Variants in SPTBN4 observed in about 807,000 individuals in gnomAD.
SPTBN4 encodes the protein spectrin beta chain, non-erythrocytic 4.
A neutral mutation model predicts 277.8 loss-of-function variants in SPTBN4; 96 were observed. The observed-to-expected ratio is 0.35, with a 90% CI of 0.29 to 0.41. SPTBN4 has a LOEUF of 0.41. Ranked by LOEUF, SPTBN4 falls within the 10% of genes least tolerant of loss-of-function variation. The pLI is 1.00. For synonymous variants in SPTBN4, 1,481 were observed against 1,580.3 expected (o/e 0.94, Z 1.49); for missense variants, 3,006 against 3,595.7 (o/e 0.84, Z 4.19).
intron 20 of SPTBN4, among the ~76,000 whole-genome samples, chr19:40,545,304 CA>C (rs1485996559): frequency 6.6e-6 from 1 of 151,914 alleles, no homozygotes; most frequent in Non-Finnish European, 1.5e-5. Context: ...CCATGTTGGC[CA>C]GGCTGGTCTC....
At chr19:40,567,599 G>GCCC in intron 30 of SPTBN4, 64 bp from the exon 31 acceptor site, 1 of 1,342,344 alleles carries the variant, frequency 7.4e-7, no homozygotes, top group Non-Finnish European at 9.8e-7. Flanking sequence ...CGCCTCCCCG[G>GCCC]ACCTCCCCCT....
In SPTBN4 at chr19:40,572,475, A is replaced by G. The variant is rs945691703; in HGVS notation, c.7536+95A>G. ...GAGTGATGGGGCTGTGAGAAGGGACACTCACAGGCCAGAGTTATCAGGGCT... is the reference window on the plus strand; with the variant it reads ...GAGTGATGGGGCTGTGAGAAGGGACGCTCACAGGCCAGAGTTATCAGGGCT... On this transcript the variant is annotated intron_variant, in intron 35 of 35. Coordinates refer to ENST00000598249, the MANE Select transcript of SPTBN4 (RefSeq NM_020971.3). 2.1e-6 allele frequency: 3 copies of G among 1,452,210 alleles called. No individual in the cohort carries two copies. In the Admixed American group the frequency reaches 5.0e-5, roughly 24 times the overall value. The allele number at this position is 1,452,210 out of a possible 1,614,324, so 90.0% of individuals were successfully genotyped here.
chr19:40,489,228 A>AAAAAGAAAG (rs781378644), intron 3 of SPTBN4, among the ~76,000 whole-genome samples: 22,596 of 141,290 alleles, frequency 0.16, 2,814 homozygotes, highest in African/African-American at 0.34. Flanking sequence ...AAAAAAAAAA[A>AAAAAGAAAG]AAAGAAAGAA....
At chr19:40,537,556 C>A (rs1236607321) in intron 20 of SPTBN4, among the ~76,000 whole-genome samples, 1 of 152,206 alleles carries the variant, frequency 6.6e-6, no homozygotes, top group Non-Finnish European at 1.5e-5. Flanking sequence ...TTGAGAACTG[C>A]TGATGTACAC....
In SPTBN4 at chr19:40,487,749, C is replaced by T. The variant is rs771134834; in HGVS notation, c.222C>T (p.His74=). 4 of 1,613,696 alleles carry T rather than the reference C, an allele frequency of 2.5e-6. No individual in the cohort carries two copies. Among genetic ancestry groups the T allele is most frequent in the South Asian group, 1.1e-5 (1 of 91,028 alleles). The part of the protein sequence containing the change: ...KKTFTKWVNS[H]LARVGCHIGD... ...CCTTCACCAAGTGGGTGAACTCGCA[C>T]CTCGCCCGCGTGGGCTGCCACATCG... The change falls in exon 3 of 36, where the codon CAC becomes CAT. Residue 74 remains histidine (H), a synonymous_variant. Transcript: ENST00000598249.
chr19:40,546,610 A>C lies in SPTBN4; in HGVS notation c.4360-2579A>C, dbSNP rs112913894. Among the ~76,000 whole-genome samples, 18 of 152,228 alleles carry C rather than the reference A, an allele frequency of 1.2e-4. 1 individual carries two copies. The highest frequency in any genetic ancestry group is 3.4e-3 in the Middle Eastern group (1 of 294). On this transcript the variant is annotated intron_variant, in intron 20 of 35. Transcript: ENST00000598249. ...GTAATCCCAGCACTTTGGAAGGCCAACGTGAGAATAGTTTGAGTCCAGGAG... is the reference window on the plus strand; with the variant it reads ...GTAATCCCAGCACTTTGGAAGGCCACCGTGAGAATAGTTTGAGTCCAGGAG...
chr19:40,512,834 C>A lies in SPTBN4; in HGVS notation c.2045C>A (p.Ala682Glu). The change falls in exon 14 of 36, where the codon GCG (alanine) becomes GAG (glutamate). Residue 682 changes from alanine to glutamate, a missense_variant. Physicochemically the swap from Ala to Glu is moderately radical, Grantham distance 107. Coordinates refer to ENST00000598249, the MANE Select transcript of SPTBN4 (RefSeq NM_020971.3). ...GGTGCGGCGGGCGCAGCGGGCGCAG[C>A]GGGAACAGCGGGCGGCGCGCATGAC... ...GGGAAGAAGA[A>E]GTAGGAHDLS... 2 of 1,453,564 alleles carry A rather than the reference C, an allele frequency of 1.4e-6. No homozygotes were observed. The highest frequency in any genetic ancestry group is 1.5e-5 in the African/African-American group (1 of 66,616). The allele number at this position is 1,453,564 out of a possible 1,614,324, so 90.0% of individuals were successfully genotyped here. A position where few individuals can be genotyped will look rare whatever the true frequency, so the allele number is the denominator to read the frequency against.
intron 5 of SPTBN4, among the ~76,000 whole-genome samples, chr19:40,493,991 C>G (rs551207493): frequency 2.0e-5 from 3 of 152,314 alleles, no homozygotes; most frequent in Non-Finnish European, 4.4e-5. Flanking sequence ...CAGGAAAGTT[C>G]AAAGTCCTTG....
chr19:40,499,826 C>T (rs1394210257), intron 7 of SPTBN4, among the ~76,000 whole-genome samples: 1 of 152,044 alleles, frequency 6.6e-6, no homozygotes, highest in Non-Finnish European at 1.5e-5. Flanking sequence ...CTCTACCCTG[C>T]CTCTTATAGC....
chr19:40,489,501 C>T (rs1041649037), intron 3 of SPTBN4, among the ~76,000 whole-genome samples: 10 of 152,100 alleles, frequency 6.6e-5, no homozygotes, highest in Non-Finnish European at 1.3e-4. Context: ...ATTCTCCTGC[C>T]TCATCCTCCC....
intron 7 of SPTBN4, among the ~76,000 whole-genome samples, chr19:40,500,959 A>T: frequency 6.6e-6 from 1 of 152,254 alleles, no homozygotes; most frequent in East Asian, 1.9e-4. Context: ...ATAATCACAT[A>T]AGTGAATATG....
intron 18 of SPTBN4, chr19:40,530,620 G>GC: frequency 2.1e-6 from 2 of 967,752 alleles, no homozygotes; most frequent in African/African-American, 3.5e-5. Context: ...GAGGGGGTTG[G>GC]CGCGCACCCC....
chr19:40,486,752 T>G (rs541118237), intron 2 of SPTBN4, among the ~76,000 whole-genome samples: 7 of 152,102 alleles, frequency 4.6e-5, no homozygotes, highest in African/African-American at 1.7e-4. Context: ...ATCCCAGCAC[T>G]TTGGGAGGCT....
At chr19:40,551,514 G>A (rs1203815935) in intron 22 of SPTBN4, among the ~76,000 whole-genome samples, 2 of 152,134 alleles carry the variant, frequency 1.3e-5, no homozygotes, top group Non-Finnish European at 2.9e-5. Context: ...TGAGCAAGGT[G>A]GGGGAGGGGG....
At chr19:40,550,807 C>T (rs1238792765) in intron 22 of SPTBN4, among the ~76,000 whole-genome samples, 1 of 152,160 alleles carries the variant, frequency 6.6e-6, no homozygotes, top group Non-Finnish European at 1.5e-5. Context: ...GTGTGAGCCA[C>T]CGCGCCCGGC....
At chr19:40,569,858 A>C (rs12980507) in intron 32 of SPTBN4, 132 bp downstream of exon 32, 25,381 of 803,806 alleles carry the variant, frequency 0.032, 500 homozygotes, top group Non-Finnish European at 0.04. Flanking sequence ...GACAGCATGG[A>C]CTCTCAGGGT....
rs773765627 is a variant in SPTBN4 at position 40,532,632 on chromosome 19, G to A, written c.3956G>A (p.Gly1319Asp). Residue 1319 changes from glycine (G) to aspartate (D), a missense_variant, in exon 19 of 36, where the codon GGC becomes GAC. Transcript: ENST00000598249. ...CTGCCCTGTTCTGCACAGCTGGATG[G>A]CTGGATCCATGAGAAGATGCTGATG... ...HFLRDCHELDGWIHEKMLMAR... is the reference protein window; with the variant it reads ...HFLRDCHELDDWIHEKMLMAR... 1.3e-5 allele frequency: 21 copies of A among 1,613,064 alleles called. No homozygotes were observed. Among genetic ancestry groups the A allele is most frequent in the Non-Finnish European group, 1.8e-5 (21 of 1,179,448 alleles).
At chr19:40,472,323 G>T (rs2079894439) in intron 1 of SPTBN4, among the ~76,000 whole-genome samples, 1 of 151,888 alleles carries the variant, frequency 6.6e-6, no homozygotes, top group Non-Finnish European at 1.5e-5. Flanking sequence ...GGGATTATAG[G>T]CCTGAGCCAC....
At position 40,472,704 on chromosome 19, in the gene SPTBN4, C is replaced by A; in HGVS notation, c.83C>A (p.Pro28Gln). The A allele has an allele frequency of 6.2e-7, 1 of 1,612,952 alleles. No individual in the cohort carries two copies. The highest frequency in any genetic ancestry group is 1.1e-5 in the South Asian group (1 of 90,856). Residue 28 changes from proline to glutamine, a missense_variant, in exon 2 of 36, where the codon CCG becomes CAG. Pro to Gln is a moderately conservative substitution (Grantham distance 76). This residue lies in a region of SPTBN4 where 78 missense variants were observed against 65.7 expected (regional missense o/e 1.19). Transcript: ENST00000598249. ...NNNPAARWES[P>Q]DRGWEREQPA... is the part of the protein sequence containing the mutation. ...AACCCTGCTGCCCGCTGGGAGAGTC[C>A]GGATCGGGGCTGGGAGCGGGAGCAG...
Sources: gnomAD v4.1 joint callset for allele counts (sites outside exome capture counted in the v4.1 genomes callset) on GRCh38, gnomAD v4.1.1 for gene constraint, gnomAD v4.1.1 regional missense constraint, MANE v1.5 for transcripts, NCBI Gene and HGNC (gene_info 2026-07-23, HGNC 2026-07-21) for gene names.